Variants in ZFP69 observed in about 807,000 individuals in gnomAD.
The protein encoded by ZFP69 is zinc finger protein 69 homolog.
In ZFP69, 35 loss-of-function variants were observed where a neutral mutation model predicts 48.9. The observed-to-expected ratio is 0.72, with a 90% CI of 0.55 to 0.95. The LOEUF is 0.95. Ranked by LOEUF, ZFP69 falls within the 40% of genes least tolerant of loss-of-function variation. The pLI, the probability that ZFP69 is intolerant of heterozygous loss-of-function variation, is 0.00. For synonymous variants in ZFP69, 193 were observed against 216.8 expected (o/e 0.89, Z 0.96); for missense variants, 557 against 638.4 (o/e 0.87, Z 1.37).
At chr1:40,482,035 TCC>T (rs1645448162) in intron 3 of ZFP69, among the ~76,000 whole-genome samples, 181 bp downstream of exon 3, 1 of 150,988 alleles carries the variant, frequency 6.6e-6, no homozygotes, top group Admixed American at 6.6e-5. Flanking sequence ...TGGTGGCAAT[TCC>T]CCTACTTATA....
rs916518274 is a variant in ZFP69, at chr1:40,496,160, C to G, written c.*101C>G. On this transcript the variant is annotated 3_prime_UTR_variant, in exon 6 of 6. Transcript: ENST00000372706. ...GATATGAGGAATTGATGTAATGATG[C>G]CAACTTTTAATTTTTCCCATTGTAA... is the stretch of plus-strand genomic sequence containing the variant. 8.0e-7 allele frequency: 1 copy of G among 1,245,186 alleles called. No individual in the cohort carries two copies. 77.1% of individuals were successfully genotyped at this position (1,245,186 alleles called of 1,614,324 possible). A position where few individuals can be genotyped will look rare whatever the true frequency, so the allele number is the denominator to read the frequency against.
At position 40,479,243 on chromosome 1, in the gene ZFP69, C is replaced by T. The variant is rs928511169; in HGVS notation, c.-119C>T. 1.4e-6 allele frequency: 2 copies of T among 1,390,262 alleles called. No homozygotes were observed. Among genetic ancestry groups the T allele is most frequent in the Admixed American group, 1.7e-5 (1 of 57,976 alleles). 86.1% of individuals were successfully genotyped at this position (1,390,262 alleles called of 1,614,324 possible). A position where few individuals can be genotyped will look rare whatever the true frequency, so the allele number is the denominator to read the frequency against. ...AGGTCCTGGTGCTGCAGGGACACAC[C>T]AGAGTCCTGAGGGCAGGTGATTGGA... On this transcript the variant is annotated 5_prime_UTR_variant, in exon 2 of 6. Coordinates refer to ENST00000372706, the MANE Select transcript of ZFP69 (RefSeq NM_001320179.2).
chr1:40,479,332 G>T lies in ZFP69; in HGVS notation c.-30G>T, dbSNP rs1470587622. 2 of 1,612,062 alleles carry T rather than the reference G, an allele frequency of 1.2e-6. No homozygotes were observed. Among genetic ancestry groups the T allele is most frequent in the African/African-American group, 1.3e-5 (1 of 74,874 alleles). On this transcript the variant is annotated 5_prime_UTR_variant, in exon 2 of 6. Transcript: ENST00000372706. ...AGAGCTTCTGGCAATTTCCTCACCA[G>T]AAGTGGACAAGTCCAGTAAGGCAGG...
At chr1:40,481,043 G>A (rs981446070) in intron 2 of ZFP69, among the ~76,000 whole-genome samples, 1 of 152,124 alleles carries the variant, frequency 6.6e-6, no homozygotes, top group Admixed American at 6.5e-5. Context: ...TCCTGACCTC[G>A]TGATCCACCT....
chr1:40,486,041 T>C (rs1248635899), intron 3 of ZFP69, among the ~76,000 whole-genome samples: 2 of 152,136 alleles, frequency 1.3e-5, no homozygotes, highest in Non-Finnish European at 2.9e-5. Flanking sequence ...GTAGCTAGGA[T>C]AACAGATGTA....
chr1:40,483,452 C>G (rs78929324), intron 3 of ZFP69, among the ~76,000 whole-genome samples: 4,212 of 152,078 alleles, frequency 0.028, 90 homozygotes, highest in Middle Eastern at 0.088. Flanking sequence ...TGGTCTCAAA[C>G]TCTTCAGCTC....
chr1:40,485,287 G>A (rs1304542457), intron 3 of ZFP69, among the ~76,000 whole-genome samples: 1 of 151,856 alleles, frequency 6.6e-6, no homozygotes, highest in Non-Finnish European at 1.5e-5. Context: ...ACTGTGGAAT[G>A]TTACAAATGT....
chr1:40,479,222 C>A lies in ZFP69; in HGVS notation c.-140C>A. ...CATCAGTCTCTAGGAACCCCCAGGT[C>A]CTGGTGCTGCAGGGACACACCAGAG... On this transcript the variant is annotated 5_prime_UTR_variant, in exon 2 of 6. Transcript: ENST00000372706. 9.3e-7 allele frequency: 1 copy of A among 1,077,728 alleles called. No individual in the cohort carries two copies. Among genetic ancestry groups the A allele is most frequent in the Non-Finnish European group, 1.4e-6 (1 of 729,130 alleles). 66.8% of individuals were successfully genotyped at this position (1,077,728 alleles called of 1,614,324 possible). A position where few individuals can be genotyped will look rare whatever the true frequency, so the allele number is the denominator to read the frequency against.
intron 1 of ZFP69, among the ~76,000 whole-genome samples, 153 bp from the exon 2 acceptor site, chr1:40,478,883 G>A (rs1645416399): frequency 6.6e-6 from 1 of 152,148 alleles, no homozygotes; most frequent in Non-Finnish European, 1.5e-5. Flanking sequence ...GGGAAGATGA[G>A]GCATGGTCTG....
At chr1:40,490,749 C>T (rs1260833637) in intron 5 of ZFP69, 1 of 152,206 alleles carries the variant, frequency 6.6e-6, no homozygotes, top group Admixed American at 6.5e-5. Flanking sequence ...TTCTCATTCT[C>T]TTTTTAACTT....
At chr1:40,481,112 G>A (rs989341311) in intron 2 of ZFP69, among the ~76,000 whole-genome samples, 3 of 152,282 alleles carry the variant, frequency 2.0e-5, no homozygotes, top group African/African-American at 7.2e-5. Context: ...CGGCCTGGTT[G>A]TATGTATTTA....
intron 3 of ZFP69, among the ~76,000 whole-genome samples, chr1:40,484,101 TAAAAC>T (rs1281735656): frequency 6.6e-6 from 1 of 152,096 alleles, no homozygotes; most frequent in Non-Finnish European, 1.5e-5. Flanking sequence ...ATAAAATAAA[TAAAAC>T]AATCAGTATG....
intron 3 of ZFP69, among the ~76,000 whole-genome samples, chr1:40,483,973 G>A (rs1248430878): frequency 1.3e-5 from 2 of 152,112 alleles, no homozygotes; most frequent in African/African-American, 2.4e-5. Flanking sequence ...CTACTCTGGC[G>A]GCTGAGGCAG....
rs777707369 is a variant in ZFP69 at position 40,495,348 on chromosome 1, G to A, written c.870G>A (p.Met290Ile). ...FKQPIHLTEH[M>I]RIHTGEKPFR... ...AACCTATTCACCTTACTGAACATAT[G>A]AGAATTCATACTGGTGAGAAACCTT... The change falls in exon 6 of 6, where the codon ATG becomes ATA. Residue 290 changes from methionine to isoleucine, a missense_variant. Coordinates refer to ENST00000372706, the MANE Select transcript of ZFP69 (RefSeq NM_001320179.2). The A allele has an allele frequency of 1.9e-6, 3 of 1,614,128 alleles. No homozygotes were observed. Among genetic ancestry groups the A allele is most frequent in the South Asian group, 1.1e-5 (1 of 91,066 alleles).
intron 5 of ZFP69, among the ~76,000 whole-genome samples, chr1:40,494,248 G>A (rs945795692): frequency 6.9e-5 from 9 of 130,310 alleles, no homozygotes; most frequent in African/African-American, 2.2e-4. Context: ...AGGACTAAAA[G>A]ATTCAAAATT....
chr1:40,485,092 C>T (rs970018500), intron 3 of ZFP69, among the ~76,000 whole-genome samples: 1 of 151,544 alleles, frequency 6.6e-6, no homozygotes, highest in African/African-American at 2.4e-5. Flanking sequence ...TGGGTTTTGC[C>T]ATGGTGGCCG....
chr1:40,489,747 AC>A (rs1645544508), intron 5 of ZFP69, 123 bp downstream of exon 5: 1 of 655,610 alleles, frequency 1.5e-6, no homozygotes, highest in Non-Finnish European at 2.5e-6. Context: ...GAAGCATGGC[AC>A]TGGCATCTGC....
Position 40,479,242 on chromosome 1 carries a change from C to T in ZFP69, c.-120C>T. 3.6e-6 allele frequency: 5 copies of T among 1,377,086 alleles called. No homozygotes were observed. Among genetic ancestry groups the T allele is most frequent in the Non-Finnish European group, 5.1e-6 (5 of 980,836 alleles). The allele number at this position is 1,377,086 out of a possible 1,614,324, so 85.3% of individuals were successfully genotyped here. On this transcript the variant is annotated 5_prime_UTR_variant, in exon 2 of 6. Coordinates refer to ENST00000372706, the MANE Select transcript of ZFP69 (RefSeq NM_001320179.2). ...CAGGTCCTGGTGCTGCAGGGACACA[C>T]CAGAGTCCTGAGGGCAGGTGATTGG...
chr1:40,479,806 CCTT>C (rs1645426420), intron 2 of ZFP69, among the ~76,000 whole-genome samples: 1 of 152,188 alleles, frequency 6.6e-6, no homozygotes, highest in Non-Finnish European at 1.5e-5. Context: ...TTTCTGCCCT[CCTT>C]AAGTCCTCTA....
Sources: gnomAD v4.1 joint callset for allele counts (sites outside exome capture counted in the v4.1 genomes callset) on GRCh38, gnomAD v4.1.1 for gene constraint, MANE v1.5 for transcripts, NCBI Gene and HGNC (gene_info 2026-07-23, HGNC 2026-07-21) for gene names.